Variants in FGF12 observed in about 807,000 individuals in gnomAD.
FGF12 encodes the protein fibroblast growth factor 12B.
In FGF12, 14 loss-of-function variants were observed where a neutral mutation model predicts 23.6. That is an observed-to-expected ratio of 0.59 (90% CI 0.39 to 0.93). The LOEUF is 0.93. Ranked by LOEUF, FGF12 falls within the 40% of genes least tolerant of loss-of-function variation. The pLI is 0.00. For synonymous variants in FGF12, 62 were observed against 77.3 expected, an observed-to-expected ratio of 0.80 and a Z score of 1.04; for missense variants, 175 against 217.8, an observed-to-expected ratio of 0.80 and a Z score of 1.24.
At chr3:192,461,915 G>A (rs570161858) in intron 2 of FGF12, among the ~76,000 whole-genome samples, 16 of 151,982 alleles carry the variant, frequency 1.1e-4, no homozygotes, top group Non-Finnish European at 1.8e-4. Flanking sequence ...GCTTGAACCC[G>A]GGAGGTGGAG....
chr3:192,709,383 T>C (rs1031789913), intron 2 of FGF12, among the ~76,000 whole-genome samples: 5 of 152,362 alleles, frequency 3.3e-5, no homozygotes, highest in African/African-American at 1.2e-4. Context: ...TTTAAGTTAC[T>C]GTTTTGAAAG....
At chr3:192,678,367 T>G (rs1395443762) in intron 2 of FGF12, among the ~76,000 whole-genome samples, 1 of 152,226 alleles carries the variant, frequency 6.6e-6, no homozygotes, top group Non-Finnish European at 1.5e-5. Flanking sequence ...CTGGTCTGCT[T>G]CTTGCACTGA....
At chr3:192,305,502 C>T (rs1355538614) in intron 4 of FGF12, among the ~76,000 whole-genome samples, 2 of 151,882 alleles carry the variant, frequency 1.3e-5, no homozygotes, top group Non-Finnish European at 2.9e-5. Context: ...CCAGCTCTCA[C>T]GTCCTCAAAC....
intron 4 of FGF12, among the ~76,000 whole-genome samples, chr3:192,224,689 A>G (rs1051552472): frequency 2.0e-5 from 3 of 152,104 alleles, no homozygotes; most frequent in African/African-American, 7.2e-5. Flanking sequence ...GAGGATTATC[A>G]TAGTCCTACC....
chr3:192,349,042 T>C (rs1718090599), intron 3 of FGF12, among the ~76,000 whole-genome samples: 1 of 152,150 alleles, frequency 6.6e-6, no homozygotes, highest in Non-Finnish European at 1.5e-5. Context: ...AAATATGTAG[T>C]TCTTCTTTAT....
intron 5 of FGF12, among the ~76,000 whole-genome samples, chr3:192,163,666 C>G (rs994169300): frequency 6.6e-6 from 1 of 152,134 alleles, no homozygotes; most frequent in Non-Finnish European, 1.5e-5. Context: ...GAGATTTGCT[C>G]TGAGAATCTG....
intron 2 of FGF12, among the ~76,000 whole-genome samples, chr3:192,558,347 T>A (rs1711873732): frequency 1.3e-5 from 2 of 151,620 alleles, no homozygotes; most frequent in South Asian, 4.2e-4. Flanking sequence ...TCAAAAATAA[T>A]AAAATACTTA....
At chr3:192,215,129 C>A (rs1024650149) in intron 4 of FGF12, among the ~76,000 whole-genome samples, 1 of 152,214 alleles carries the variant, frequency 6.6e-6, no homozygotes, top group South Asian at 2.1e-4. Context: ...TGGCTGTGTT[C>A]TCCCATCAAA....
rs1435785113 is a variant in FGF12, at chr3:192,146,204, C to G, written c.428-2077G>C. Reference sequence around the variant, plus strand: ...TTTTTCAAAAATAATATATTTTGACCTGCAAATCCTTAAGCTTCATCCAGG... The same window carrying G: ...TTTTTCAAAAATAATATATTTTGACGTGCAAATCCTTAAGCTTCATCCAGG... On this transcript the variant is annotated intron_variant, in intron 5 of 5. Coordinates refer to ENST00000445105, the MANE Select transcript of FGF12 (RefSeq NM_004113.6). Among the ~76,000 whole-genome samples the G allele has an allele frequency of 6.6e-5, 10 of 152,072 alleles. 1 individual carries two copies. In the East Asian group the frequency reaches 1.9e-3, roughly 29 times the overall value.
intron 2 of FGF12, among the ~76,000 whole-genome samples, chr3:192,489,189 CATT>C (rs1421663100): frequency 2.6e-5 from 4 of 151,928 alleles, no homozygotes; most frequent in Non-Finnish European, 4.4e-5. Context: ...CTCGTGATAT[CATT>C]ATTATCACAA....
At chr3:192,372,391 T>TCACA (rs58664869) in intron 2 of FGF12, among the ~76,000 whole-genome samples, 38,161 of 148,894 alleles carry the variant, frequency 0.26, 4,915 homozygotes, top group Admixed American at 0.36. Flanking sequence ...TTTCATACCA[T>TCACA]CACACACACA....
intron 4 of FGF12, chr3:192,265,553 A>G (rs1449159254): frequency 6.6e-6 from 1 of 152,210 alleles, no homozygotes; most frequent in African/African-American, 2.4e-5. Flanking sequence ...AACAGTTTTA[A>G]CATTTTTAGA....
chr3:192,177,728 A>C (rs1436557734), intron 4 of FGF12, among the ~76,000 whole-genome samples: 1 of 152,170 alleles, frequency 6.6e-6, no homozygotes, highest in Non-Finnish European at 1.5e-5. Flanking sequence ...AATCCTTCAC[A>C]ATCAATATTC....
At chr3:192,473,284 C>T (rs963551149) in intron 2 of FGF12, among the ~76,000 whole-genome samples, 3 of 152,208 alleles carry the variant, frequency 2.0e-5, no homozygotes, top group African/African-American at 7.2e-5. Flanking sequence ...GGCTGACACA[C>T]TGATTTCCTT....
At chr3:192,309,201 T>C (rs1715809589) in intron 4 of FGF12, among the ~76,000 whole-genome samples, 1 of 152,094 alleles carries the variant, frequency 6.6e-6, no homozygotes, top group Non-Finnish European at 1.5e-5. Context: ...AACACAGCCA[T>C]TAGTGGAAAG....
At chr3:192,450,965 C>G (rs1015670675) in intron 2 of FGF12, among the ~76,000 whole-genome samples, 2 of 152,196 alleles carry the variant, frequency 1.3e-5, no homozygotes, top group African/African-American at 4.8e-5. Context: ...AGTCATGAAG[C>G]TTTGGCTAGT....
intron 5 of FGF12, among the ~76,000 whole-genome samples, chr3:192,152,443 G>A (rs1714111190): frequency 7.1e-6 from 1 of 141,040 alleles, no homozygotes; most frequent in African/African-American, 2.7e-5. Flanking sequence ...TTTCTCTTGT[G>A]GGCATTTAGT....
At chr3:192,716,667 C>G (rs1718877026) in intron 2 of FGF12, among the ~76,000 whole-genome samples, 1 of 152,154 alleles carries the variant, frequency 6.6e-6, no homozygotes. Flanking sequence ...CAAATGCTAA[C>G]AACAAGAATA....
At chr3:192,617,669 G>A (rs1714813577) in intron 2 of FGF12, among the ~76,000 whole-genome samples, 1 of 152,108 alleles carries the variant, frequency 6.6e-6, no homozygotes, top group Non-Finnish European at 1.5e-5. Context: ...TGGGTCTGAG[G>A]TGGGACCCAA....
Sources: allele counts gnomAD v4.1 joint callset (sites outside exome capture counted in the v4.1 genomes callset), GRCh38; gene constraint gnomAD v4.1.1; transcripts MANE v1.5; gene names NCBI Gene and HGNC (gene_info 2026-07-23, HGNC 2026-07-21).